COL6A6: variants seen among roughly 807,000 people sequenced by gnomAD.
COL6A6 encodes collagen type VI alpha 6 chain.
A neutral mutation model predicts 208.6 loss-of-function variants in COL6A6; 183 were observed. The ratio of observed to expected loss-of-function variants is 0.88; its 90% confidence interval spans 0.78 to 0.99. COL6A6 has a LOEUF of 0.99. Ranked by LOEUF, COL6A6 falls within the 50% of genes least tolerant of loss-of-function variation. The probability of loss-of-function intolerance (pLI) is 0.00; values close to 1 mark genes in which losing one functional copy is unlikely to be tolerated. For missense variants in COL6A6, 2,816 were observed against 2,815.2 expected (o/e 1.00, Z -0.01); for synonymous variants, 973 against 1,011.8 (o/e 0.96, Z 0.73).
At chr3:130,599,107 T>A (rs924315954) in intron 19 of COL6A6, among the ~76,000 whole-genome samples, 2 of 152,154 alleles carry the variant, frequency 1.3e-5, no homozygotes, top group African/African-American at 4.8e-5. Context: ...AAACCCCAAT[T>A]TTCTTATCTG....
At chr3:130,541,696 T>C (rs190032879) in intron 1 of COL6A6, among the ~76,000 whole-genome samples, 2 of 152,344 alleles carry the variant, frequency 1.3e-5, no homozygotes, top group East Asian at 3.9e-4. Context: ...CCTGATGACA[T>C]ATAGTGTATT....
In COL6A6 at chr3:130,578,559, A is replaced by G. The variant is rs532506736; in HGVS notation, c.3548-3002A>G. ...TGGTGCGTTGGTCATGCAGAACATCACTAGAGAAGCCCTATAAAACCACCG... is the reference window on the plus strand; with the variant it reads ...TGGTGCGTTGGTCATGCAGAACATCGCTAGAGAAGCCCTATAAAACCACCG... On this transcript the variant is annotated intron_variant, in intron 8 of 36. Coordinates refer to ENST00000358511, the MANE Select transcript of COL6A6 (RefSeq NM_001102608.3). Among the ~76,000 whole-genome samples, 7 of 152,312 alleles carry G rather than the reference A, an allele frequency of 4.6e-5. No homozygotes were observed. The East Asian group carries it at 1.4e-3, about 29-fold the overall frequency.
intron 21 of COL6A6, among the ~76,000 whole-genome samples, chr3:130,608,536 A>G (rs1010723584): frequency 2.0e-5 from 3 of 152,086 alleles, no homozygotes; most frequent in African/African-American, 7.2e-5. Flanking sequence ...ATCGTGTAAG[A>G]TGCTTGAAGA....
At chr3:130,601,672 A>G (rs1203800033) in intron 20 of COL6A6, among the ~76,000 whole-genome samples, 1 of 152,212 alleles carries the variant, frequency 6.6e-6, no homozygotes, top group Admixed American at 6.5e-5. Context: ...ATCTTGGGTT[A>G]TAGCTTCAGC....
At chr3:130,525,902 C>T (rs541587990) in intron 1 of COL6A6, among the ~76,000 whole-genome samples, 68 of 152,182 alleles carry the variant, frequency 4.5e-4, no homozygotes, top group Non-Finnish European at 8.5e-4. Flanking sequence ...CTCAAAGAAG[C>T]CTTCCCTGGA....
At chr3:130,636,764 TCCCCTC>T (rs2065126365) in intron 28 of COL6A6, among the ~76,000 whole-genome samples, 1 of 11,082 alleles carries the variant, frequency 9.0e-5, no homozygotes, top group Non-Finnish European at 1.7e-4. Context: ...CCTCCTCCCC[TCCCCTC>T]CCCCTCCCCT....
At chr3:130,534,976 G>A (rs1477211058) in intron 1 of COL6A6, among the ~76,000 whole-genome samples, 1 of 151,950 alleles carries the variant, frequency 6.6e-6, no homozygotes, top group Non-Finnish European at 1.5e-5. Context: ...TGACAAATTT[G>A]CTCATCAAAT....
chr3:130,650,662 G>T (rs1460979075), intron 33 of COL6A6, among the ~76,000 whole-genome samples: 2 of 151,864 alleles, frequency 1.3e-5, no homozygotes, highest in African/African-American at 4.8e-5. Flanking sequence ...TTTATTTAGA[G>T]AAAATAAGAC....
At position 130,565,078 on chromosome 3, in the gene COL6A6, A is replaced by C. The variant is rs1050820862; in HGVS notation, c.746A>C (p.Lys249Thr). Residue 249 changes from lysine to threonine, a missense_variant, in exon 4 of 37, where the codon AAA becomes ACA. Coordinates refer to ENST00000358511, the MANE Select transcript of COL6A6 (RefSeq NM_001102608.3). ...AGTGAGGAGAACTTTGACTATCTTA[A>C]AGGATTCTTGGAAGAAAGTGTATCT... ...NGSEENFDYL[K>T]GFLEESVSAL... The C allele has an allele frequency of 3.7e-6, 6 of 1,613,892 alleles. No homozygotes were observed. In the African/African-American group the frequency reaches 8.0e-5, roughly 22 times the overall value.
rs576109319 is a variant in COL6A6, at chr3:130,549,547, C to T, written c.-31-10787C>T. On this transcript the variant is annotated intron_variant, in intron 1 of 36. Transcript: ENST00000358511. Reference sequence around the variant, plus strand: ...GGTTTTACATTTCAGTTTTTTAAATCCATCTTGGATTGTTTTTTTTTGTAT... The same window carrying T: ...GGTTTTACATTTCAGTTTTTTAAATTCATCTTGGATTGTTTTTTTTTGTAT... Among the ~76,000 whole-genome samples the T allele has an allele frequency of 2.0e-5, 3 of 152,252 alleles. No individual in the cohort carries two copies. The South Asian group carries it at 6.2e-4, about 32-fold the overall frequency.
chr3:130,654,385 C>T (rs925180), intron 33 of COL6A6, among the ~76,000 whole-genome samples: 37,810 of 152,034 alleles, frequency 0.25, 5,046 homozygotes, highest in South Asian at 0.37. Flanking sequence ...TCTGAACTGA[C>T]ACTGGGTTTG....
intron 24 of COL6A6, among the ~76,000 whole-genome samples, chr3:130,624,010 T>C (rs141758375): frequency 1.3e-5 from 2 of 151,938 alleles, no homozygotes; most frequent in East Asian, 3.9e-4. Context: ...GTTTCAAAAG[T>C]GTAGCAATTG....
chr3:130,557,932 G>A (rs1397241899), intron 1 of COL6A6, among the ~76,000 whole-genome samples: 1 of 152,228 alleles, frequency 6.6e-6, no homozygotes, highest in Admixed American at 6.5e-5. Flanking sequence ...GACCTTTATA[G>A]CATATAAAGA....
rs1037148038 is a variant in COL6A6, at chr3:130,574,473, G to T, written c.3495G>T (p.Lys1165Asn). The T allele has an allele frequency of 5.0e-6, 8 of 1,613,938 alleles. No homozygotes were observed. In the African/African-American group the frequency reaches 1.1e-4, roughly 22 times the overall value. Residue 1165 changes from lysine to asparagine, a missense_variant, in exon 8 of 37, where the codon AAG becomes AAT. Transcript: ENST00000358511. ...CAGTGCACAACTTCGATGAACTGAA[G>T]AAGGTCAATAAAAGGATCGTTCGCA... ...KLTVHNFDEL[K>N]KVNKRIVRNI... is the part of the protein sequence containing the mutation.
chr3:130,568,526 G>GT lies in COL6A6; in HGVS notation c.2329dup (p.Tyr777LeufsTer3), dbSNP rs764240714. Reference sequence around the variant, plus strand: ...GGAGATCAGTGGGAGGCCCGAGATGGTTTTTTATGTTGAGAATTTTGACAT... The same window carrying GT: ...GGAGATCAGTGGGAGGCCCGAGATGGTTTTTTTATGTTGAGAATTTTGACAT... On this transcript the variant is annotated frameshift_variant, in exon 6 of 37. Transcript: ENST00000358511. LOFTEE classifies it high-confidence loss of function. 1.6e-5 allele frequency: 26 copies of GT among 1,612,388 alleles called. No individual in the cohort carries two copies. In the East Asian group the frequency reaches 5.6e-4, roughly 35 times the overall value.
chr3:130,609,255 T>C (rs922711759), intron 22 of COL6A6, among the ~76,000 whole-genome samples: 1 of 152,040 alleles, frequency 6.6e-6, no homozygotes, highest in African/African-American at 2.4e-5. Flanking sequence ...CCAAGGAAAA[T>C]GTTGAACCTC....
In COL6A6 at chr3:130,675,463, TCTG is replaced by T. The variant is rs2066336774; in HGVS notation, c.*71_*73del. On this transcript the variant is annotated 3_prime_UTR_variant, in exon 37 of 37. Coordinates refer to ENST00000358511, the MANE Select transcript of COL6A6 (RefSeq NM_001102608.3). ...ACTCTGGACTTAAATAGTAACTAAA[TCTG>T]CTGCCAGAACTCAAGCAACAGTTTG... is the stretch of plus-strand genomic sequence containing the variant. 8.2e-7 allele frequency: 1 copy of T among 1,221,122 alleles called. No homozygotes were observed. The highest frequency in any genetic ancestry group is 2.8e-5 in the Admixed American group (1 of 35,628). 75.6% of individuals were successfully genotyped at this position (1,221,122 alleles called of 1,614,324 possible). A position where few individuals can be genotyped will look rare whatever the true frequency, so the allele number is the denominator to read the frequency against.
intron 1 of COL6A6, among the ~76,000 whole-genome samples, chr3:130,548,673 T>C (rs750972085): frequency 2.0e-5 from 3 of 152,214 alleles, no homozygotes; most frequent in Admixed American, 6.5e-5. Flanking sequence ...GAGTTCCCAG[T>C]AGAGCACCAG....
chr3:130,625,878 A>C (rs892433194), intron 24 of COL6A6, among the ~76,000 whole-genome samples: 4 of 152,248 alleles, frequency 2.6e-5, no homozygotes, highest in Non-Finnish European at 4.4e-5. Context: ...GACATACAGG[A>C]ACTTTCCATA....
Sources: allele counts gnomAD v4.1 joint callset (sites outside exome capture counted in the v4.1 genomes callset), GRCh38; gene constraint gnomAD v4.1.1; transcripts MANE v1.5; gene names NCBI Gene and HGNC (gene_info 2026-07-23, HGNC 2026-07-21).